Variants in BICRA observed in about 807,000 individuals in gnomAD.
BICRA encodes BRD4 interacting chromatin remodeling complex associated protein.
In BICRA, 31 loss-of-function variants were observed where a neutral mutation model predicts 96.9. The ratio of observed to expected loss-of-function variants is 0.32; its 90% confidence interval spans 0.24 to 0.43. The LOEUF is 0.43. Ranked by LOEUF, BICRA falls within the 20% of genes least tolerant of loss-of-function variation. The pLI, the probability that BICRA is intolerant of heterozygous loss-of-function variation, is 1.00. For missense variants in BICRA, 2,283 were observed against 2,190.3 expected, an observed-to-expected ratio of 1.04 and a Z score of -0.84; for synonymous variants, 1,350 against 1,071.8, an observed-to-expected ratio of 1.26 and a Z score of -5.07.
chr19:47,622,388 C>T (rs937704984), intron 1 of BICRA, among the ~76,000 whole-genome samples: 4 of 151,438 alleles, frequency 2.6e-5, no homozygotes, highest in South Asian at 2.1e-4. Context: ...TGAGCCACCA[C>T]GCCTGAGTGT....
intron 1 of BICRA, among the ~76,000 whole-genome samples, chr19:47,658,503 G>A (rs1002842499): frequency 6.6e-6 from 1 of 152,104 alleles, no homozygotes; most frequent in Non-Finnish European, 1.5e-5. Flanking sequence ...GTGGTGGCGA[G>A]TGCCTATAAT....
At position 47,673,542 on chromosome 19, in the gene BICRA, G is replaced by A. The variant is rs201401494; in HGVS notation, c.-5-28G>A. On this transcript the variant is annotated intron_variant, in intron 2 of 14. Coordinates refer to ENST00000594866, the MANE Select transcript of BICRA (RefSeq NM_001394372.1). ...GCCAAAATCTAACCTTGTCTCCCTC[G>A]CCCTCTTCCTGACCCCACCCCATCC... The A allele has an allele frequency of 8.8e-5, 140 of 1,599,726 alleles. 1 individual carries two copies. Among genetic ancestry groups the A allele is most frequent in the South Asian group, 4.0e-4 (36 of 90,790 alleles).
Position 47,701,632 on chromosome 19 carries a change from C to T in BICRA, c.3900C>T (p.Tyr1300=), listed in dbSNP as rs373089788. ...PSRNRPPIKT[Y]EARSRIGLKL... is the part of the protein sequence containing the mutation. Reference sequence around the variant, plus strand: ...GCAACCGCCCGCCCATCAAGACCTACGAGGCCCGGAGCCGCATCGGGCTCA... The same window carrying T: ...GCAACCGCCCGCCCATCAAGACCTATGAGGCCCGGAGCCGCATCGGGCTCA... Residue 1300 remains tyrosine, a synonymous_variant, in exon 15 of 15, where the codon TAC becomes TAT. Coordinates refer to ENST00000594866, the MANE Select transcript of BICRA (RefSeq NM_001394372.1). The surrounding 1 kb of genome is among the most constrained non-coding windows in gnomAD (Gnocchi z 5.4). 1.3e-5 allele frequency: 20 copies of T among 1,582,178 alleles called. No individual in the cohort carries two copies. The highest frequency in any genetic ancestry group is 9.4e-6 in the Non-Finnish European group (11 of 1,165,556).
At chr19:47,685,786 T>TGTGTGTGTGTGTGTGTGTGTGCGCGC in intron 7 of BICRA, among the ~76,000 whole-genome samples, 3 of 117,930 alleles carry the variant, frequency 2.5e-5, no homozygotes, top group African/African-American at 1.1e-4. Context: ...TGTGTGTGTG[T>TGTGTGTGTGTGTGTGTGTGTGCGCGC]GCGCGCGCGC....
At chr19:47,620,049 C>T (rs750749417) in intron 1 of BICRA, among the ~76,000 whole-genome samples, 6 of 152,136 alleles carry the variant, frequency 3.9e-5, no homozygotes, top group Admixed American at 2.0e-4. Context: ...AGTCCTGCCC[C>T]GTGGAGTCCG....
intron 1 of BICRA, chr19:47,663,300 C>T (rs1249286109): frequency 1.3e-5 from 2 of 152,228 alleles, no homozygotes; most frequent in African/African-American, 4.8e-5. Context: ...AGGCAGGAGT[C>T]ACTTGAACCT....
intron 5 of BICRA, among the ~76,000 whole-genome samples, chr19:47,677,518 G>A (rs1972959703): frequency 1.3e-5 from 2 of 152,192 alleles, no homozygotes; most frequent in South Asian, 4.1e-4. Flanking sequence ...CCAACATGGA[G>A]AAACCCTGTC....
intron 7 of BICRA, among the ~76,000 whole-genome samples, chr19:47,691,470 A>G (rs974235527): frequency 6.6e-6 from 1 of 152,126 alleles, no homozygotes; most frequent in African/African-American, 2.4e-5. Flanking sequence ...TGACCTTAGC[A>G]TTCTCATTCT....
chr19:47,668,310 A>G (rs532360437), intron 1 of BICRA, among the ~76,000 whole-genome samples: 1 of 152,282 alleles, frequency 6.6e-6, no homozygotes, highest in African/African-American at 2.4e-5. Context: ...GAACATTGGT[A>G]ACCCCAAAAC....
chr19:47,639,773 A>T (rs1160229323), intron 1 of BICRA, among the ~76,000 whole-genome samples: 1 of 149,456 alleles, frequency 6.7e-6, no homozygotes, highest in Non-Finnish European at 1.5e-5. Flanking sequence ...CTCCTAAGTC[A>T]CTGGGACTAC....
At chr19:47,626,980 C>T (rs1972151229) in intron 1 of BICRA, among the ~76,000 whole-genome samples, 1 of 152,040 alleles carries the variant, frequency 6.6e-6, no homozygotes, top group African/African-American at 2.4e-5. Context: ...TCTTGGCCTC[C>T]CAGAGTGCTG....
intron 7 of BICRA, among the ~76,000 whole-genome samples, chr19:47,693,529 C>T (rs1324265628): frequency 2.0e-5 from 3 of 152,240 alleles, no homozygotes; most frequent in African/African-American, 7.2e-5. Context: ...AGGCCTGTCC[C>T]TGTGTGGCCA....
chr19:47,696,152 C>T (rs1294097102), intron 10 of BICRA, among the ~76,000 whole-genome samples: 10 of 152,038 alleles, frequency 6.6e-5, no homozygotes, highest in South Asian at 2.1e-4. Context: ...AGCAGGCATC[C>T]GGCAGAGGAG....
At position 47,681,157 on chromosome 19, in the gene BICRA, A is replaced by AC; in HGVS notation, c.1993dup (p.Gln665ProfsTer9). 3 of 1,402,228 alleles carry AC rather than the reference A, an allele frequency of 2.1e-6. No individual in the cohort carries two copies. Among genetic ancestry groups the AC allele is most frequent in the Non-Finnish European group, 1.9e-6 (2 of 1,058,876 alleles). 86.9% of individuals were successfully genotyped at this position (1,402,228 alleles called of 1,614,324 possible). On this transcript the variant is annotated frameshift_variant, in exon 6 of 15. Transcript: ENST00000594866. LOFTEE classifies it high-confidence loss of function. Reference sequence around the variant, plus strand: ...GGCCGCCGCCCCGCCTCAGGCCACCACCCCCCAGCCCAGCCCTGGCCTGGC... The same window carrying AC: ...GGCCGCCGCCCCGCCTCAGGCCACCACCCCCCCAGCCCAGCCCTGGCCTGGC...
intron 7 of BICRA, among the ~76,000 whole-genome samples, chr19:47,684,005 C>T (rs1360373512): frequency 1.3e-5 from 2 of 152,156 alleles, no homozygotes; most frequent in Non-Finnish European, 2.9e-5. Context: ...AGGCTTTGAC[C>T]TCGAACGGCC....
chr19:47,663,719 C>G (rs978215540), intron 1 of BICRA: 8 of 152,132 alleles, frequency 5.3e-5, no homozygotes, highest in Non-Finnish European at 8.8e-5. Flanking sequence ...AGGAATGCCT[C>G]TGGCTTAGTT....
chr19:47,691,836 C>G (rs1599861974), intron 7 of BICRA, among the ~76,000 whole-genome samples: 1 of 152,150 alleles, frequency 6.6e-6, no homozygotes, highest in East Asian at 1.9e-4. Flanking sequence ...GCTGGGATTG[C>G]AAGCGTGAGC....
rs67811590 is a variant in BICRA, at chr19:47,685,786, T to TGCGCGCGC, written c.2283+3641_2283+3648dup. Among the ~76,000 whole-genome samples the TGCGCGCGC allele has an allele frequency of 3.3e-3, 389 of 117,934 alleles. 3 individuals carry two copies. Among genetic ancestry groups the TGCGCGCGC allele is most frequent in the Admixed American group, 6.8e-3 (78 of 11,532 alleles). 77.4% of individuals were successfully genotyped at this position (117,934 alleles called of 152,430 possible). On this transcript the variant is annotated intron_variant, in intron 7 of 14. Transcript: ENST00000594866. ...GTGTGTGTGTGTGTGTGTGTGTGTGTGCGCGCGCGCGCGCATGCGTACATT... is the reference window on the plus strand; with the variant it reads ...GTGTGTGTGTGTGTGTGTGTGTGTGTGCGCGCGCGCGCGCGCGCGCGCATGCGTACATT...
intron 1 of BICRA, among the ~76,000 whole-genome samples, chr19:47,656,262 AAC>A (rs1176776930): frequency 1.1e-4 from 7 of 61,638 alleles, no homozygotes; most frequent in African/African-American, 5.7e-4. Flanking sequence ...GTCTCAAAAA[AAC>A]AACGAGAAGG....
Sources: allele counts gnomAD v4.1 joint callset (sites outside exome capture counted in the v4.1 genomes callset), GRCh38; gene constraint gnomAD v4.1.1; non-coding constraint Gnocchi (gnomAD v3.1); transcripts MANE v1.5; gene names NCBI Gene and HGNC (gene_info 2026-07-23, HGNC 2026-07-21).